MRM1: variants seen among roughly 807,000 people sequenced by gnomAD.
The protein encoded by MRM1 is rRNA methyltransferase 1, mitochondrial.
In MRM1, 24 loss-of-function variants were observed where a neutral mutation model predicts 25.0. The observed-to-expected ratio is 0.96, with a 90% confidence interval of 0.69 to 1.35. MRM1 has a LOEUF of 1.35. Ranked by LOEUF, MRM1 falls within the 40% of genes most tolerant of loss-of-function variation. The pLI, the probability that MRM1 is intolerant of heterozygous loss-of-function variation, is 0.00. For synonymous variants in MRM1, 188 were observed against 199.2 expected (o/e 0.94, Z 0.47); for missense variants, 431 against 464.1 (o/e 0.93, Z 0.65).
rs758531430 is a variant in MRM1 at position 36,601,981 on chromosome 17, G to A, written c.171G>A (p.Pro57=). Residue 57 remains proline (P), a synonymous_variant, in exon 1 of 5, where the codon CCG becomes CCA. Coordinates refer to ENST00000614766, the MANE Select transcript of MRM1 (RefSeq NM_024864.5). ...TGGAGCTTCTGTTTGGCATGACCCC[G>A]TGTCTCCTGGCTCTGCAGGCCGCCC... The part of the protein sequence containing the change: ...SRLELLFGMT[P]CLLALQAARR... 5 of 1,612,084 alleles carry A rather than the reference G, an allele frequency of 3.1e-6. No homozygotes were observed. Among genetic ancestry groups the A allele is most frequent in the Non-Finnish European group, 4.2e-6 (5 of 1,179,640 alleles).
At chr17:36,616,240 T>C in the MRM1 span, among the ~76,000 whole-genome samples, 1 of 151,510 alleles carries the variant, frequency 6.6e-6, no homozygotes, top group African/African-American at 2.4e-5. Flanking sequence ...GCTGATTGCC[T>C]CCTCTTCCTC....
downstream of MRM1, among the ~76,000 whole-genome samples, chr17:36,610,159 C>T (rs996024677): frequency 1.3e-5 from 2 of 151,784 alleles, no homozygotes; most frequent in Admixed American, 6.6e-5. Context: ...AACTCCTGGC[C>T]TCAGGTGATC....
At chr17:36,611,245 A>C (rs116026567), downstream of MRM1, among the ~76,000 whole-genome samples, 349 of 152,252 alleles carry the variant, frequency 2.3e-3, 3 homozygotes, top group African/African-American at 8.1e-3. Context: ...CATGCCTGAA[A>C]GTTTAGGTGA....
intron 2 of MRM1, among the ~76,000 whole-genome samples, chr17:36,605,803 G>C (rs781580097): frequency 6.6e-6 from 1 of 152,074 alleles, no homozygotes; most frequent in Middle Eastern, 3.4e-3. Context: ...ATTTCTGCCT[G>C]TTTCCACTGC....
chr17:36,633,046 G>T, the MRM1 span, among the ~76,000 whole-genome samples: 29 of 152,178 alleles, frequency 1.9e-4, no homozygotes, highest in Non-Finnish European at 3.7e-4. Context: ...AGAGTAGGAG[G>T]CTGAATTATT....
the MRM1 span, among the ~76,000 whole-genome samples, chr17:36,614,149 T>A: frequency 4.0e-5 from 6 of 151,738 alleles, no homozygotes; most frequent in Non-Finnish European, 8.8e-5. Flanking sequence ...CAAGAACGCC[T>A]CCTCCTCCCC....
chr17:36,622,340 GGTGT>G, the MRM1 span, among the ~76,000 whole-genome samples: 1 of 152,138 alleles, frequency 6.6e-6, no homozygotes, highest in South Asian at 2.1e-4. Context: ...GGGAGGCCGA[GGTGT>G]GTGGATCACC....
rs2074869346 is a variant in MRM1, at chr17:36,601,778, A to C, written c.-33A>C. On this transcript the variant is annotated 5_prime_UTR_variant, in exon 1 of 5. Coordinates refer to ENST00000614766, the MANE Select transcript of MRM1 (RefSeq NM_024864.5). ...GGGTTACCGCTCCCGGGGACGCAGC[A>C]AGGGGCATCGAGTCCCTGGCGGGAG... 6 of 1,515,586 alleles carry C rather than the reference A, an allele frequency of 4.0e-6. No homozygotes were observed. The highest frequency in any genetic ancestry group is 5.3e-6 in the Non-Finnish European group (6 of 1,135,176). 93.9% of individuals were successfully genotyped at this position (1,515,586 alleles called of 1,614,324 possible).
intron 2 of MRM1, chr17:36,603,175 C>A: frequency 4.1e-6 from 4 of 982,340 alleles, no homozygotes; most frequent in Non-Finnish European, 4.8e-6. Context: ...ATACCCCCCC[C>A]AACCCCCACC....
rs2074874329 is a variant in MRM1 at position 36,601,997 on chromosome 17, C to T, written c.187C>T (p.Gln63Ter). ...CATGACCCCGTGTCTCCTGGCTCTG[C>T]AGGCCGCCCGCCGCTCTGTGGCCCG... ...FGMTPCLLAL[Q>*]AARRSVARLL... is the part of the protein sequence containing the mutation. The change falls in exon 1 of 5, where the codon CAG (glutamine) becomes TAG (stop). Residue 63 changes from glutamine (Q) to a stop codon, truncating the protein, a stop_gained. Coordinates refer to ENST00000614766, the MANE Select transcript of MRM1 (RefSeq NM_024864.5). LOFTEE classifies it high-confidence loss of function. 3 of 1,609,468 alleles carry T rather than the reference C, an allele frequency of 1.9e-6. No individual in the cohort carries two copies. Among genetic ancestry groups the T allele is most frequent in the Non-Finnish European group, 2.5e-6 (3 of 1,178,908 alleles).
chr17:36,630,863 T>C, the MRM1 span, among the ~76,000 whole-genome samples: 6 of 152,276 alleles, frequency 3.9e-5, no homozygotes, highest in South Asian at 8.3e-4. Context: ...GAGAACCTCA[T>C]GTGGGCTAGG....
chr17:36,619,522 G>A, the MRM1 span, among the ~76,000 whole-genome samples: 1 of 152,168 alleles, frequency 6.6e-6, no homozygotes, highest in South Asian at 2.1e-4. Context: ...ACAAAAATTA[G>A]CCAGGTGTGG....
the MRM1 span, among the ~76,000 whole-genome samples, chr17:36,633,646 G>A: frequency 6.6e-6 from 1 of 151,866 alleles, no homozygotes; most frequent in Non-Finnish European, 1.5e-5. Context: ...AGGAGGAGGA[G>A]GAAGGGGAGA....
downstream of MRM1, among the ~76,000 whole-genome samples, chr17:36,610,384 C>G (rs1234756270): frequency 6.6e-6 from 1 of 152,144 alleles, no homozygotes; most frequent in Non-Finnish European, 1.5e-5. Context: ...AGGCGCCCGC[C>G]ACCAAGCCTG....
At chr17:36,603,837 T>C (rs1160368545) in intron 2 of MRM1, among the ~76,000 whole-genome samples, 1 of 152,222 alleles carries the variant, frequency 6.6e-6, no homozygotes, top group East Asian at 1.9e-4. Flanking sequence ...GAACAGCACA[T>C]ATCTAGAAGC....
chr17:36,619,436 G>C, the MRM1 span, among the ~76,000 whole-genome samples: 1 of 152,220 alleles, frequency 6.6e-6, no homozygotes, highest in Admixed American at 6.5e-5. Flanking sequence ...GGAAGGCCAA[G>C]GTGGATGGAT....
rs748824832 is a variant in MRM1 at position 36,601,863 on chromosome 17, G to A, written c.53G>A (p.Arg18His). ...GCGACCTGGGGTCGCCTCGTCACCCGTCATTTCTCCCATGCAGCGCGGCAT... is the reference window on the plus strand; with the variant it reads ...GCGACCTGGGGTCGCCTCGTCACCCATCATTTCTCCCATGCAGCGCGGCAT... Reference protein sequence around the residue: ...RGATWGRLVTRHFSHAARHGE... With the variant: ...RGATWGRLVTHHFSHAARHGE... Residue 18 changes from arginine to histidine, a missense_variant, in exon 1 of 5, where the codon CGT becomes CAT. Arg to His is a conservative substitution (Grantham distance 29, BLOSUM62 0). Transcript: ENST00000614766. 4 of 1,601,762 alleles carry A rather than the reference G, an allele frequency of 2.5e-6. No homozygotes were observed. The highest frequency in any genetic ancestry group is 1.3e-5 in the African/African-American group (1 of 74,758).
At chr17:36,622,567 G>T in the MRM1 span, among the ~76,000 whole-genome samples, 1 of 141,850 alleles carries the variant, frequency 7.0e-6, no homozygotes, top group Non-Finnish European at 1.5e-5. Context: ...GCAAGACTCC[G>T]TCTCAAAAAA....
Position 36,601,980 on chromosome 17 carries a change from C to G in MRM1, c.170C>G (p.Pro57Arg). 2 of 1,612,240 alleles carry G rather than the reference C, an allele frequency of 1.2e-6. No individual in the cohort carries two copies. Among genetic ancestry groups the G allele is most frequent in the Non-Finnish European group, 1.7e-6 (2 of 1,179,658 alleles). Residue 57 changes from proline (P) to arginine (R), a missense_variant, in exon 1 of 5, where the codon CCG becomes CGG. Physicochemically the swap from Pro to Arg is moderately radical, Grantham distance 103. Transcript: ENST00000614766. ...CTGGAGCTTCTGTTTGGCATGACCC[C>G]GTGTCTCCTGGCTCTGCAGGCCGCC... is the stretch of plus-strand genomic sequence containing the variant. ...SRLELLFGMT[P>R]CLLALQAARR...
Sources: gnomAD v4.1 joint callset for allele counts (sites outside exome capture counted in the v4.1 genomes callset) on GRCh38, gnomAD v4.1.1 for gene constraint, MANE v1.5 for transcripts, NCBI Gene and HGNC (gene_info 2026-07-23, HGNC 2026-07-21) for gene names.